The following EPS15 variants were observed in gnomAD, a reference collection of about 807,000 sequenced individuals.
The protein encoded by EPS15 is epidermal growth factor receptor pathway substrate 15, also known as epidermal growth factor receptor substrate 15.
In EPS15, 72 loss-of-function variants were observed where a neutral mutation model predicts 113.8. The ratio of observed to expected loss-of-function variants is 0.63; its 90% CI spans 0.52 to 0.77. EPS15 has a LOEUF of 0.77. Ranked by LOEUF, EPS15 falls within the 30% of genes least tolerant of loss-of-function variation. The pLI is 0.00. For synonymous variants in EPS15, 344 were observed against 363.4 expected (o/e 0.95, Z 0.61); for missense variants, 1,048 against 1,045.8 (o/e 1.00, Z -0.03).
At chr1:51,479,264 T>A (rs60714087) in intron 2 of EPS15, among the ~76,000 whole-genome samples, 9,461 of 152,172 alleles carry the variant, frequency 0.062, 313 homozygotes, top group Non-Finnish European at 0.075. Context: ...AAGCTTGTGC[T>A]TGCGTCACGT....
At chr1:51,463,842 G>A (rs768096897) in intron 6 of EPS15, 44 bp from the exon 7 acceptor site, 1 of 1,240,692 alleles carries the variant, frequency 8.1e-7, no homozygotes, top group Non-Finnish European at 1.1e-6. Context: ...TAAGAGAAAA[G>A]GATTTAACTG....
chr1:51,484,094 G>A (rs935327030), intron 1 of EPS15, among the ~76,000 whole-genome samples: 2 of 151,976 alleles, frequency 1.3e-5, no homozygotes, highest in African/African-American at 4.8e-5. Flanking sequence ...CTGGGCAACA[G>A]AGTGAGACCC....
At chr1:51,435,200 T>G (rs1224763139) in intron 12 of EPS15, among the ~76,000 whole-genome samples, 4 of 152,158 alleles carry the variant, frequency 2.6e-5, no homozygotes, top group African/African-American at 9.7e-5. Context: ...TCTTTTTTCT[T>G]TTTTTGAGAC....
chr1:51,419,368 CT>C (rs1650532634), intron 13 of EPS15, among the ~76,000 whole-genome samples: 1 of 152,020 alleles, frequency 6.6e-6, no homozygotes, highest in African/African-American at 2.4e-5. Flanking sequence ...AGACTTTCTA[CT>C]CTAACTGAAT....
intron 21 of EPS15, among the ~76,000 whole-genome samples, chr1:51,390,707 T>A (rs1427101675): frequency 6.6e-6 from 1 of 151,758 alleles, no homozygotes; most frequent in African/African-American, 2.4e-5. Flanking sequence ...AACAGACACG[T>A]GAAAAAATGC....
At chr1:51,374,995 TC>T (rs1164272934) in intron 21 of EPS15, among the ~76,000 whole-genome samples, 1 of 141,624 alleles carries the variant, frequency 7.1e-6, no homozygotes, top group African/African-American at 2.7e-5. Context: ...TTAATATACT[TC>T]TTTTTTTTTT....
chr1:51,512,843 CTTTTTT>C (rs59750666), intron 1 of EPS15, among the ~76,000 whole-genome samples: 5 of 118,714 alleles, frequency 4.2e-5, no homozygotes, highest in Non-Finnish European at 6.8e-5. Flanking sequence ...TGAGCAATAT[CTTTTTT>C]TTTTTTTTTT....
At chr1:51,509,833 G>A (rs937213186) in intron 1 of EPS15, among the ~76,000 whole-genome samples, 5 of 152,172 alleles carry the variant, frequency 3.3e-5, no homozygotes, top group Middle Eastern at 3.2e-3. Context: ...AGATGTAGTA[G>A]CCTACAACAT....
intron 8 of EPS15, among the ~76,000 whole-genome samples, chr1:51,451,656 T>C (rs895345680): frequency 6.6e-6 from 1 of 151,646 alleles, no homozygotes; most frequent in Non-Finnish European, 1.5e-5. Context: ...TATTGATTCT[T>C]GAACCATGAC....
intron 2 of EPS15, among the ~76,000 whole-genome samples, 164 bp from the exon 3 acceptor site, chr1:51,473,112 T>G (rs1655361722): frequency 6.6e-6 from 1 of 152,186 alleles, no homozygotes; most frequent in Admixed American, 6.5e-5. Context: ...GACATATGAG[T>G]AGTACTATCT....
At chr1:51,439,108 A>G (rs1652382977) in intron 12 of EPS15, among the ~76,000 whole-genome samples, 1 of 152,138 alleles carries the variant, frequency 6.6e-6, no homozygotes, top group African/African-American at 2.4e-5. Context: ...TGCCAAAATA[A>G]GGAGAAAGTC....
chr1:51,402,414 T>A (rs777941387), intron 18 of EPS15, 21 bp downstream of exon 18: 4 of 1,316,548 alleles, frequency 3.0e-6, no homozygotes, highest in South Asian at 1.3e-5. Context: ...AAATCTATAA[T>A]ATAAAAAAAA....
At chr1:51,376,391 C>T (rs940761304) in intron 21 of EPS15, among the ~76,000 whole-genome samples, 1 of 152,214 alleles carries the variant, frequency 6.6e-6, no homozygotes, top group African/African-American at 2.4e-5. Flanking sequence ...AGGCTGGGCA[C>T]TGTGGCTCAC....
At chr1:51,509,791 G>A (rs962087785) in intron 1 of EPS15, among the ~76,000 whole-genome samples, 2 of 152,222 alleles carry the variant, frequency 1.3e-5, no homozygotes, top group African/African-American at 2.4e-5. Context: ...GAGATGTGGT[G>A]TATGCAATGA....
At chr1:51,395,794 A>C (rs900338048) in intron 20 of EPS15, among the ~76,000 whole-genome samples, 7 of 152,218 alleles carry the variant, frequency 4.6e-5, no homozygotes, top group African/African-American at 1.7e-4. Flanking sequence ...AAGACTTGGC[A>C]AACAGGTAAA....
chr1:51,357,880 C>CA (rs1483802198), intron 24 of EPS15, among the ~76,000 whole-genome samples: 17 of 151,866 alleles, frequency 1.1e-4, no homozygotes. Flanking sequence ...GCTGGAATTA[C>CA]AAGCATGCAC....
chr1:51,404,132 G>T (rs1420819083), intron 16 of EPS15, among the ~76,000 whole-genome samples: 4 of 152,144 alleles, frequency 2.6e-5, no homozygotes, highest in African/African-American at 9.7e-5. Context: ...AGATCACAAG[G>T]TCAGGAGATC....
chr1:51,436,817 G>A (rs1309515663), intron 12 of EPS15, among the ~76,000 whole-genome samples: 1 of 152,112 alleles, frequency 6.6e-6, no homozygotes, highest in South Asian at 2.1e-4. Flanking sequence ...GAGTGATTGG[G>A]TGAATGGTGA....
At chr1:51,511,032 G>A (rs952003441) in intron 1 of EPS15, among the ~76,000 whole-genome samples, 18 of 151,982 alleles carry the variant, frequency 1.2e-4, no homozygotes, top group African/African-American at 1.7e-4. Flanking sequence ...CAGGTGTGGC[G>A]GTGGGCGCCT....
Sources: allele counts gnomAD v4.1 joint callset (sites outside exome capture counted in the v4.1 genomes callset), GRCh38; gene constraint gnomAD v4.1.1; transcripts MANE v1.5; gene names NCBI Gene and HGNC (gene_info 2026-07-23, HGNC 2026-07-21).